Variants in MOB1B observed in about 807,000 individuals in gnomAD.
The protein encoded by MOB1B is MOB1 Mps One Binder homolog B.
Under a neutral mutation model 24.4 loss-of-function variants are expected in MOB1B, and 19 were observed. The ratio of observed to expected loss-of-function variants is 0.78; its 90% CI spans 0.54 to 1.14. MOB1B has a LOEUF of 1.14. Ranked by LOEUF, MOB1B falls within the 50% of genes most tolerant of loss-of-function variation. MOB1B has a pLI of 0.00. For missense variants in MOB1B, 243 were observed against 259.6 expected (o/e 0.94, Z 0.44); for synonymous variants, 76 against 82.1 (o/e 0.93, Z 0.40).
At chr4:70,953,780 C>G (rs1050914759) in intron 1 of MOB1B, among the ~76,000 whole-genome samples, 3 of 152,080 alleles carry the variant, frequency 2.0e-5, no homozygotes, top group African/African-American at 7.2e-5. Flanking sequence ...CCTGTCTCTA[C>G]TGAAGATACA....
chr4:70,972,572 T>C (rs978268142), intron 3 of MOB1B, among the ~76,000 whole-genome samples: 1 of 152,160 alleles, frequency 6.6e-6, no homozygotes, highest in Non-Finnish European at 1.5e-5. Flanking sequence ...GTTTGCAGTT[T>C]ACAAGTTCAT....
intron 1 of MOB1B, among the ~76,000 whole-genome samples, chr4:70,944,354 G>A (rs1737483484): frequency 6.6e-6 from 1 of 152,108 alleles, no homozygotes; most frequent in South Asian, 2.1e-4. Flanking sequence ...TTTTTATTTA[G>A]ATTTTTTTGA....
chr4:70,968,495 G>C (rs1181409829), intron 2 of MOB1B, among the ~76,000 whole-genome samples: 1 of 151,998 alleles, frequency 6.6e-6, no homozygotes, highest in East Asian at 1.9e-4. Context: ...ATTTTTAGTA[G>C]AGACAAGGTT....
At chr4:70,912,738 C>T (rs183396744) in intron 1 of MOB1B, among the ~76,000 whole-genome samples, 2 of 152,304 alleles carry the variant, frequency 1.3e-5, no homozygotes, top group East Asian at 3.9e-4. Context: ...TCATGTATTG[C>T]ATCCACTTAT....
rs1738648091 is a variant in MOB1B, at chr4:70,968,951, C to T, written c.182-980C>T. ...GTTTTATTTTTTCCCATAGCAATAA[C>T]CAGTTGATTCAGAAATATTTATGAA... is the stretch of plus-strand genomic sequence containing the variant. On this transcript the variant is annotated intron_variant, in intron 2 of 5. Coordinates refer to ENST00000309395, the MANE Select transcript of MOB1B (RefSeq NM_173468.4). Among the ~76,000 whole-genome samples, 2 of 152,074 alleles carry T rather than the reference C, an allele frequency of 1.3e-5. 1 individual carries two copies.
At chr4:70,960,164 G>C (rs1046288596) in intron 2 of MOB1B, among the ~76,000 whole-genome samples, 3 of 152,106 alleles carry the variant, frequency 2.0e-5, no homozygotes, top group African/African-American at 2.4e-5. Context: ...TTACAGGTGT[G>C]AGCTACCACG....
intron 1 of MOB1B, among the ~76,000 whole-genome samples, chr4:70,932,709 A>G (rs893943123): frequency 2.0e-5 from 3 of 152,202 alleles, no homozygotes; most frequent in African/African-American, 7.2e-5. Context: ...TTTGTAAATT[A>G]CAACGTGGTA....
At chr4:70,977,324 T>C (rs1322859103) in intron 4 of MOB1B, among the ~76,000 whole-genome samples, 1 of 152,188 alleles carries the variant, frequency 6.6e-6, no homozygotes, top group Non-Finnish European at 1.5e-5. Context: ...TTTTATAGAT[T>C]GTCTTTTCAC....
intron 1 of MOB1B, among the ~76,000 whole-genome samples, chr4:70,923,404 T>C (rs988601551): frequency 6.6e-6 from 1 of 152,100 alleles, no homozygotes; most frequent in Non-Finnish European, 1.5e-5. Flanking sequence ...AGTTTTGCCA[T>C]GTTTCCCAGG....
At chr4:70,913,626 A>G (rs1389263018) in intron 1 of MOB1B, among the ~76,000 whole-genome samples, 2 of 152,160 alleles carry the variant, frequency 1.3e-5, no homozygotes, top group Non-Finnish European at 2.9e-5. Flanking sequence ...TATCAGATGC[A>G]TATAGTGTCT....
At chr4:70,940,566 A>G (rs1291749950) in intron 1 of MOB1B, among the ~76,000 whole-genome samples, 1 of 152,204 alleles carries the variant, frequency 6.6e-6, no homozygotes, top group African/African-American at 2.4e-5. Flanking sequence ...CTGTCCATGT[A>G]TCAACATTGT....
intron 2 of MOB1B, among the ~76,000 whole-genome samples, 197 bp from the exon 3 acceptor site, chr4:70,969,734 T>G (rs1190417315): frequency 6.6e-6 from 1 of 152,240 alleles, no homozygotes; most frequent in Non-Finnish European, 1.5e-5. Context: ...ATCTCTATGC[T>G]TGCCTTTTTG....
chr4:70,950,397 T>C (rs1737752204), intron 1 of MOB1B, among the ~76,000 whole-genome samples: 1 of 139,964 alleles, frequency 7.1e-6, no homozygotes, highest in African/African-American at 2.7e-5. Context: ...CACAGCCCTC[T>C]AGCCTGGGTG....
intron 1 of MOB1B, among the ~76,000 whole-genome samples, chr4:70,918,435 G>A (rs1477944167): frequency 6.6e-6 from 1 of 151,334 alleles, no homozygotes; most frequent in Non-Finnish European, 1.5e-5. Flanking sequence ...TTTCTCTGAT[G>A]GCCAGTGATG....
intron 1 of MOB1B, among the ~76,000 whole-genome samples, chr4:70,909,727 T>C (rs1024208200): frequency 2.0e-5 from 3 of 151,482 alleles, no homozygotes; most frequent in African/African-American, 4.9e-5. Flanking sequence ...TCCTGTCTTA[T>C]ACTTCTTTTT....
chr4:70,958,852 T>C (rs756951533), intron 1 of MOB1B, 22 bp from the exon 2 acceptor site: 51 of 1,589,940 alleles, frequency 3.2e-5, no homozygotes, highest in Non-Finnish European at 4.2e-5. Context: ...TTAAACCCTT[T>C]TTTTTTCTTT....
chr4:70,941,361 A>C (rs981321947), intron 1 of MOB1B, among the ~76,000 whole-genome samples: 12 of 151,978 alleles, frequency 7.9e-5, no homozygotes, highest in African/African-American at 1.4e-4. Context: ...TATTTTTTTG[A>C]GACGGAGTCT....
intron 1 of MOB1B, among the ~76,000 whole-genome samples, chr4:70,903,598 T>C (rs1346679674): frequency 6.6e-6 from 1 of 152,256 alleles, no homozygotes; most frequent in Non-Finnish European, 1.5e-5. Flanking sequence ...TATACTGTTT[T>C]ACTGTTGTGG....
chr4:70,905,777 A>C (rs577981308), intron 1 of MOB1B, among the ~76,000 whole-genome samples: 1 of 152,004 alleles, frequency 6.6e-6, no homozygotes, highest in Non-Finnish European at 1.5e-5. Flanking sequence ...TAAAAGATGC[A>C]CTGTGGGCCG....
Sources: gnomAD v4.1 joint callset for allele counts (sites outside exome capture counted in the v4.1 genomes callset) on GRCh38, gnomAD v4.1.1 for gene constraint, MANE v1.5 for transcripts, NCBI Gene and HGNC (gene_info 2026-07-23, HGNC 2026-07-21) for gene names.